The following ACTN1 variants were observed in gnomAD, a reference collection of about 807,000 sequenced individuals.
The protein encoded by ACTN1 is alpha-actinin-1.
ACTN1 carries 30 observed loss-of-function variants against 119.6 expected under a neutral mutation model. The ratio of observed to expected loss-of-function variants is 0.25; its 90% CI spans 0.19 to 0.34. ACTN1 has a LOEUF of 0.34. Among genes scored for constraint, ACTN1 ranks in the 10% least tolerant of loss-of-function variants. The probability of loss-of-function intolerance (pLI) is 1.00; values close to 1 mark genes in which losing one functional copy is unlikely to be tolerated. For missense variants in ACTN1, 764 were observed against 1,223.4 expected, an observed-to-expected ratio of 0.62 and a Z score of 5.60; for synonymous variants, 429 against 472.6, an observed-to-expected ratio of 0.91 and a Z score of 1.20.
chr14:68,929,389 G>A (rs1041707445), intron 1 of ACTN1, among the ~76,000 whole-genome samples: 5 of 152,042 alleles, frequency 3.3e-5, no homozygotes, highest in Non-Finnish European at 5.9e-5. Context: ...GACGCCCAGC[G>A]TGGTGGGGAG....
At chr14:68,915,482 T>A (rs2034240446) in intron 3 of ACTN1, among the ~76,000 whole-genome samples, 1 of 152,330 alleles carries the variant, frequency 6.6e-6, no homozygotes, top group East Asian at 1.9e-4. Flanking sequence ...CCCTCTAGAA[T>A]GTAAGCCCCT....
In ACTN1 at chr14:68,979,016, T is replaced by G; in HGVS notation, c.41A>C (p.Gln14Pro). 1 of 1,604,642 alleles carries G rather than the reference T, an allele frequency of 6.2e-7. No homozygotes were observed. The highest frequency in any genetic ancestry group is 8.5e-7 in the Non-Finnish European group (1 of 1,175,246). Reference sequence around the variant, plus strand: ...GTCCCGGTCCCAGTCCTCTTCTGGCTGCATGTAATCGTTGGTTTGCTGAGA... The same window carrying G: ...GTCCCGGTCCCAGTCCTCTTCTGGCGGCATGTAATCGTTGGTTTGCTGAGA... The part of the protein sequence containing the change: ...YDSQQTNDYM[Q>P]PEEDWDRDLL... The change falls in exon 1 of 22, where the codon CAG (glutamine) becomes CCG (proline). Residue 14 changes from glutamine to proline, a missense_variant. Transcript: ENST00000394419.
In ACTN1 at chr14:68,902,840, G is replaced by A. The variant is rs141709123; in HGVS notation, c.677-278C>T. On this transcript the variant is annotated intron_variant, in intron 7 of 21. Coordinates refer to ENST00000394419, the MANE Select transcript of ACTN1 (RefSeq NM_001130004.2). ...CAAGTTCATTGGCAGGAATAAAAGGGGTCAAAGGGAGGAGAGAAGTACTAG... is the reference window on the plus strand; with the variant it reads ...CAAGTTCATTGGCAGGAATAAAAGGAGTCAAAGGGAGGAGAGAAGTACTAG... 5.3e-4 allele frequency among the ~76,000 whole-genome samples: 81 copies of A among 152,196 alleles called. 1 individual carries two copies. The highest frequency in any genetic ancestry group is 1.9e-3 in the African/African-American group (77 of 41,526).
intron 1 of ACTN1, among the ~76,000 whole-genome samples, chr14:68,970,077 T>C (rs1209699363): frequency 6.6e-6 from 1 of 152,116 alleles, no homozygotes; most frequent in Non-Finnish European, 1.5e-5. Flanking sequence ...AATGCTCCCC[T>C]ACAAGCCCTG....
intron 6 of ACTN1, among the ~76,000 whole-genome samples, chr14:68,906,987 G>C (rs1049521339): frequency 5.3e-5 from 6 of 112,620 alleles, no homozygotes; most frequent in Non-Finnish European, 1.0e-4. Flanking sequence ...AAAAACAGAA[G>C]GGGGGCTGGG....
intron 1 of ACTN1, among the ~76,000 whole-genome samples, chr14:68,962,455 A>G (rs2036570478): frequency 6.6e-6 from 1 of 152,110 alleles, no homozygotes; most frequent in Non-Finnish European, 1.5e-5. Context: ...CCCACAGGTC[A>G]CTTACCCACC....
chr14:68,955,437 A>C (rs1203270031), intron 1 of ACTN1, among the ~76,000 whole-genome samples: 1 of 152,222 alleles, frequency 6.6e-6, no homozygotes, highest in Non-Finnish European at 1.5e-5. Context: ...TTTGAAAGAA[A>C]GCTAGAACCC....
chr14:68,887,111 G>A (rs1354445548), intron 11 of ACTN1: 1 of 171,472 alleles, frequency 5.8e-6, no homozygotes, highest in East Asian at 1.8e-4. Flanking sequence ...TTATTCCAGT[G>A]ACTTTCCAGC....
intron 1 of ACTN1, among the ~76,000 whole-genome samples, chr14:68,965,155 G>C (rs2036664703): frequency 6.6e-6 from 1 of 152,196 alleles, no homozygotes; most frequent in Non-Finnish European, 1.5e-5. Context: ...GCCCCACAAG[G>C]AATGAACTCA....
intron 1 of ACTN1, among the ~76,000 whole-genome samples, chr14:68,959,708 CA>C (rs533442883): frequency 2.6e-5 from 4 of 152,232 alleles, no homozygotes; most frequent in African/African-American, 7.2e-5. Flanking sequence ...TTACTAGAGC[CA>C]GGGGGGTTGA....
At chr14:68,928,108 G>T (rs1394207882) in intron 1 of ACTN1, among the ~76,000 whole-genome samples, 1 of 152,206 alleles carries the variant, frequency 6.6e-6, no homozygotes, top group Non-Finnish European at 1.5e-5. Context: ...GCACTGCCCT[G>T]AGCCCACCCG....
chr14:68,910,112 G>A, intron 4 of ACTN1, 70 bp from the exon 5 acceptor site: 4 of 1,338,550 alleles, frequency 3.0e-6, no homozygotes, highest in East Asian at 2.3e-5. Flanking sequence ...CGGCTCACAG[G>A]AGGCCCCACT....
rs1594746577 is a variant in ACTN1 at position 68,877,248 on chromosome 14, G to C, written c.2428-8C>G. 1 of 1,613,982 alleles carries C rather than the reference G, an allele frequency of 6.2e-7. No homozygotes were observed. Among genetic ancestry groups the C allele is most frequent in the Non-Finnish European group, 8.5e-7 (1 of 1,179,974 alleles). On this transcript the variant is annotated splice_region_variant and splice_polypyrimidine_tract_variant and intron_variant, in intron 20 of 21. Coordinates refer to ENST00000394419, the MANE Select transcript of ACTN1 (RefSeq NM_001130004.2). ...GGCAAATTCTGCTTCTCCCTGGAGG[G>C]AACAGCCAAACCCAGGCCTGTCAGC...
rs58500225 is a variant in ACTN1, at chr14:68,881,955, T to TTTTTTTTTTTTTTTTTTTTTTGA, written c.1953+502_1953+503insTCAAAAAAAAAAAAAAAAAAAAA. Among the ~76,000 whole-genome samples the TTTTTTTTTTTTTTTTTTTTTTGA allele has an allele frequency of 2.6e-4, 27 of 102,982 alleles. 4 individuals carry two copies. The highest frequency in any genetic ancestry group is 7.4e-4 in the African/African-American group (17 of 22,906). The allele number at this position is 102,982 out of a possible 152,430, so 67.6% of individuals were successfully genotyped here. A position where few individuals can be genotyped will look rare whatever the true frequency, so the allele number is the denominator to read the frequency against. ...CAGCTTCTTTTTTTTTTTTTTTTTTTGACAGAGTCTTGCTCTGTTGCCCAA... is the reference window on the plus strand; with the variant it reads ...CAGCTTCTTTTTTTTTTTTTTTTTTTTTTTTTTTTTTTTTTTTTTTTGAGACAGAGTCTTGCTCTGTTGCCCAA... On this transcript the variant is annotated intron_variant, in intron 16 of 21. Transcript: ENST00000394419.
At chr14:68,945,347 G>A (rs7145079) in intron 1 of ACTN1, among the ~76,000 whole-genome samples, 4,434 of 152,054 alleles carry the variant, frequency 0.029, 188 homozygotes, top group African/African-American at 0.1. Context: ...ATGGGTGTTC[G>A]GGTTCCTGCA....
At chr14:68,947,503 C>CA (rs1412754021) in intron 1 of ACTN1, 2 of 152,310 alleles carry the variant, frequency 1.3e-5, no homozygotes, top group East Asian at 3.8e-4. Flanking sequence ...CACAGCAAGT[C>CA]AGACAGCAGA....
chr14:68,928,378 A>T (rs745789032), intron 1 of ACTN1, among the ~76,000 whole-genome samples: 2 of 152,212 alleles, frequency 1.3e-5, no homozygotes, highest in South Asian at 4.2e-4. Context: ...CAGAGGCCCC[A>T]TAGATTACTG....
In ACTN1 at chr14:68,890,134, C is replaced by G. The variant is rs766143815; in HGVS notation, c.1234+5G>C. ...GGGGGAGGCAGGAGGCTGGGCTGGC[C>G]TCACCGTCAGTCCAGGCCTCGTGGA... On this transcript the variant is annotated splice_donor_5th_base_variant and intron_variant, in intron 11 of 21. Coordinates refer to ENST00000394419, the MANE Select transcript of ACTN1 (RefSeq NM_001130004.2). 1 of 1,610,560 alleles carries G rather than the reference C, an allele frequency of 6.2e-7. No homozygotes were observed. The highest frequency in any genetic ancestry group is 1.1e-5 in the South Asian group (1 of 90,570).
In ACTN1 at chr14:68,880,978, C is replaced by T. The variant is rs754961568; in HGVS notation, c.1965G>A (p.Arg655=). 6.2e-7 allele frequency: 1 copy of T among 1,614,104 alleles called. No homozygotes were observed. The highest frequency in any genetic ancestry group is 2.2e-5 in the East Asian group (1 of 44,882). Residue 655 remains arginine (R), a synonymous_variant, in exon 17 of 22, where the codon AGG becomes AGA. Coordinates refer to ENST00000394419, the MANE Select transcript of ACTN1 (RefSeq NM_001130004.2). The surrounding 1 kb of genome is among the most constrained non-coding windows in gnomAD (Gnocchi z 4.6). ...GGGTCCCATGCATCTCAATGGAGAT[C>T]CTCCCGATCTCCTGCTCACCGGGAA... ...WIQTKMEEIG[R]ISIEMHGTLE... is the part of the protein sequence containing the mutation.
Sources: gnomAD v4.1 joint callset for allele counts (sites outside exome capture counted in the v4.1 genomes callset) on GRCh38, gnomAD v4.1.1 for gene constraint, Gnocchi (gnomAD v3.1) non-coding constraint, MANE v1.5 for transcripts, NCBI Gene and HGNC (gene_info 2026-07-23, HGNC 2026-07-21) for gene names.